The following ETV5 variants were observed in gnomAD, a reference collection of about 807,000 sequenced individuals.
The protein encoded by ETV5 is ETS variant transcription factor 5, also known as ETS translocation variant 5.
In ETV5, 10 loss-of-function variants were observed where a neutral mutation model predicts 70.0. The ratio of observed to expected loss-of-function variants is 0.14; its 90% CI spans 0.09 to 0.24. The LOEUF is 0.24. Among genes scored for constraint, ETV5 ranks in the 10% least tolerant of loss-of-function variants. The pLI, the probability that ETV5 is intolerant of heterozygous loss-of-function variation, is 1.00. For missense variants in ETV5, 453 were observed against 651.2 expected (o/e 0.70, Z 3.31); for synonymous variants, 216 against 242.2 (o/e 0.89, Z 1.01).
At chr3:186,060,386 A>C (rs1456045920) in intron 9 of ETV5, among the ~76,000 whole-genome samples, 1 of 152,228 alleles carries the variant, frequency 6.6e-6, no homozygotes, top group Non-Finnish European at 1.5e-5. Context: ...TATTGGTTTA[A>C]GTGAAATTTA....
At position 186,052,965 on chromosome 3, in the gene ETV5, T is replaced by C. The variant is rs75608688; in HGVS notation, c.1210-834A>G. ...CTTATGAGAATGACTGTCAAGGTAGTAGAATAACCCTGGAAATGTGAGTTT... is the reference window on the plus strand; with the variant it reads ...CTTATGAGAATGACTGTCAAGGTAGCAGAATAACCCTGGAAATGTGAGTTT... On this transcript the variant is annotated intron_variant, in intron 11 of 12. Transcript: ENST00000306376. The surrounding 1 kb of genome is among the most constrained non-coding windows in gnomAD (Gnocchi z 4.5). 0.14 allele frequency among the ~76,000 whole-genome samples: 20,694 copies of C among 152,026 alleles called. 1,470 individuals are homozygous for C. Among genetic ancestry groups the C allele is most frequent in the African/African-American group, 0.17 (6,883 of 41,442 alleles).
intron 9 of ETV5, among the ~76,000 whole-genome samples, chr3:186,058,357 T>C (rs1401087492): frequency 6.6e-6 from 1 of 152,202 alleles, no homozygotes; most frequent in Non-Finnish European, 1.5e-5. Flanking sequence ...TAGTTCAGCC[T>C]GTCTCAAGGT....
Position 186,066,126 on chromosome 3 carries a change from ATGAT to A in ETV5, c.651-58_651-55del, listed in dbSNP as rs1713437156. 2.0e-6 allele frequency: 3 copies of A among 1,484,116 alleles called. No individual in the cohort carries two copies. In the Admixed American group the frequency reaches 7.1e-5, roughly 35 times the overall value. 91.9% of individuals were successfully genotyped at this position (1,484,116 alleles called of 1,614,324 possible). On this transcript the variant is annotated intron_variant, in intron 7 of 12. Transcript: ENST00000306376. ...AACAAAGACTTGATGAATTCCTACT[ATGAT>A]TGAGCACTGGGGACTAGAAGTTCCA...
intron 5 of ETV5, 136 bp from the exon 6 acceptor site, chr3:186,081,311 CA>C: frequency 1.2e-6 from 1 of 813,332 alleles, no homozygotes; most frequent in Non-Finnish European, 1.8e-6. Context: ...TCAGAAAAAG[CA>C]AAACGCTTAA....
At chr3:186,055,138 T>G (rs1713126249) in intron 11 of ETV5, among the ~76,000 whole-genome samples, 1 of 152,172 alleles carries the variant, frequency 6.6e-6, no homozygotes, top group African/African-American at 2.4e-5. Context: ...GTGCAGAAGA[T>G]TCAATAACAG....
intron 12 of ETV5, among the ~76,000 whole-genome samples, chr3:186,050,761 C>T (rs796235932): frequency 5.3e-5 from 8 of 152,196 alleles, no homozygotes; most frequent in African/African-American, 1.7e-4. Context: ...GGAGTTAAGA[C>T]ACAGCGAGAA....
intron 7 of ETV5, among the ~76,000 whole-genome samples, chr3:186,069,505 T>C (rs1713543785): frequency 1.5e-5 from 2 of 132,654 alleles, no homozygotes; most frequent in Middle Eastern, 3.8e-3. Flanking sequence ...GAAGTTGTTT[T>C]TTTTTTTTTT....
chr3:186,048,999 G>C (rs1471149515), intron 12 of ETV5, 139 bp from the exon 13 acceptor site: 4 of 659,852 alleles, frequency 6.1e-6, no homozygotes, highest in South Asian at 1.9e-5. Flanking sequence ...CTTATTTTGA[G>C]AACTCCTGGG....
chr3:186,084,282 T>TAAAAAAAAAAAAAAAAA, intron 5 of ETV5: 5 of 216,746 alleles, frequency 2.3e-5, no homozygotes, highest in South Asian at 3.4e-5. Flanking sequence ...AAAGAAATGC[T>TAAAAAAAAAAAAAAAAA]AAAAAAAAAA....
At position 186,047,015 on chromosome 3, in the gene ETV5, G is replaced by C. The variant is rs1320387811; in HGVS notation, c.*1624C>G. 5 of 228,344 alleles carry C rather than the reference G, an allele frequency of 2.2e-5. No homozygotes were observed. Among genetic ancestry groups the C allele is most frequent in the Non-Finnish European group, 3.5e-5 (4 of 114,778 alleles). The allele number at this position is 228,344 out of a possible 1,614,324, so 14.1% of individuals were successfully genotyped here. A position where few individuals can be genotyped will look rare whatever the true frequency, so the allele number is the denominator to read the frequency against. On this transcript the variant is annotated 3_prime_UTR_variant, in exon 13 of 13. Transcript: ENST00000306376. ...ATAAGGGGGACAGTTTGAGACTATG[G>C]AGTGCTCCATGAATAGAAAAGCAGT...
At chr3:186,096,898 C>A (rs1714315838) in intron 5 of ETV5, among the ~76,000 whole-genome samples, 1 of 152,100 alleles carries the variant, frequency 6.6e-6, no homozygotes, top group Admixed American at 6.6e-5. Context: ...AGTGTGGAAG[C>A]AGCTAGGTGT....
intron 7 of ETV5, among the ~76,000 whole-genome samples, chr3:186,071,905 C>T (rs1170993150): frequency 6.6e-6 from 1 of 151,716 alleles, no homozygotes; most frequent in Non-Finnish European, 1.5e-5. Flanking sequence ...TCAAGCAATT[C>T]TACTGACTCA....
At chr3:186,078,955 A>T in intron 7 of ETV5, 1 of 593,608 alleles carries the variant, frequency 1.7e-6, no homozygotes, top group Non-Finnish European at 2.2e-6. Flanking sequence ...AGGTATACTC[A>T]TATATTCTTC....
chr3:186,087,739 C>T lies in ETV5; in HGVS notation c.233-6564G>A, dbSNP rs758262323. Among the ~76,000 whole-genome samples the T allele has an allele frequency of 5.6e-4, 85 of 152,266 alleles. 1 individual carries two copies. The highest frequency in any genetic ancestry group is 5.2e-4 in the Admixed American group (8 of 15,302). On this transcript the variant is annotated intron_variant, in intron 5 of 12. Coordinates refer to ENST00000306376, the MANE Select transcript of ETV5 (RefSeq NM_004454.3). ...CTGTTCAAGGCGGCCACCCCATGCC[C>T]GTGCTAATGGTAAACTTCACTATTA...
At chr3:186,101,093 A>G (rs4234589) in intron 5 of ETV5, among the ~76,000 whole-genome samples, 19,330 of 152,240 alleles carry the variant, frequency 0.13, 1,332 homozygotes, top group South Asian at 0.15. Flanking sequence ...GTAAATATGT[A>G]CATACATCTA....
intron 5 of ETV5, among the ~76,000 whole-genome samples, chr3:186,092,325 T>A (rs1263719086): frequency 6.6e-6 from 1 of 152,214 alleles, no homozygotes; most frequent in Non-Finnish European, 1.5e-5. Context: ...GACAATGGTA[T>A]CTGAAACATC....
At position 186,057,008 on chromosome 3, in the gene ETV5, T is replaced by G; in HGVS notation, c.1209+67A>C. The G allele has an allele frequency of 2.6e-6, 4 of 1,565,574 alleles. No homozygotes were observed. The highest frequency in any genetic ancestry group is 3.5e-6 in the Non-Finnish European group (4 of 1,148,570). Reference sequence around the variant, plus strand: ...TTGACACAAAAAGCCTCAATGGAAATCTAAACAAAAAACATCATCAACAAC... The same window carrying G: ...TTGACACAAAAAGCCTCAATGGAAAGCTAAACAAAAAACATCATCAACAAC... On this transcript the variant is annotated intron_variant, in intron 11 of 12. Transcript: ENST00000306376. This position sits in a 1 kb window ranked among gnomAD's most constrained non-coding sequence, Gnocchi z 4.9.
chr3:186,065,470 T>C (rs1177935223), intron 8 of ETV5, among the ~76,000 whole-genome samples: 1 of 152,218 alleles, frequency 6.6e-6, no homozygotes, highest in Non-Finnish European at 1.5e-5. Context: ...GGTGCCTGAA[T>C]AGATCAATCT....
At chr3:186,092,486 A>G (rs1714203705) in intron 5 of ETV5, among the ~76,000 whole-genome samples, 1 of 151,996 alleles carries the variant, frequency 6.6e-6, no homozygotes, top group Non-Finnish European at 1.5e-5. Context: ...CAGGCTAGAG[A>G]GCAATGGCGC....
Sources: allele counts gnomAD v4.1 joint callset (sites outside exome capture counted in the v4.1 genomes callset), GRCh38; gene constraint gnomAD v4.1.1; non-coding constraint Gnocchi (gnomAD v3.1); transcripts MANE v1.5; gene names NCBI Gene and HGNC (gene_info 2026-07-23, HGNC 2026-07-21).